Variants in SMOC2 observed in about 807,000 individuals in gnomAD.
The protein encoded by SMOC2 is SPARC-related modular calcium-binding protein 2.
Under a neutral mutation model 61.4 loss-of-function variants are expected in SMOC2, and 39 were observed. The ratio of observed to expected loss-of-function variants is 0.64; its 90% CI spans 0.49 to 0.83. SMOC2 has a LOEUF of 0.83. Among genes scored for constraint, SMOC2 ranks in the 40% least tolerant of loss-of-function variants. SMOC2 has a pLI of 0.00. For missense variants in SMOC2, 556 were observed against 592.9 expected, an observed-to-expected ratio of 0.94 and a Z score of 0.65; for synonymous variants, 247 against 239.9, an observed-to-expected ratio of 1.03 and a Z score of -0.27.
chr6:168,543,010 A>T (rs1783906842), intron 4 of SMOC2, among the ~76,000 whole-genome samples: 1 of 152,188 alleles, frequency 6.6e-6, no homozygotes, highest in African/African-American at 2.4e-5. Context: ...TTATTTCTCG[A>T]GTTGGTATTC....
chr6:168,545,822 C>T (rs1315564678), intron 5 of SMOC2, among the ~76,000 whole-genome samples: 1 of 152,202 alleles, frequency 6.6e-6, no homozygotes, highest in East Asian at 1.9e-4. Context: ...ATTTGATTGT[C>T]CTCATTCCAA....
chr6:168,481,174 T>C (rs1430287562), intron 1 of SMOC2, among the ~76,000 whole-genome samples: 1 of 152,158 alleles, frequency 6.6e-6, no homozygotes, highest in Non-Finnish European at 1.5e-5. Context: ...TAAATACTTG[T>C]CAGTTATATA....
At chr6:168,614,387 C>T (rs865882126) in intron 9 of SMOC2, among the ~76,000 whole-genome samples, 4 of 87,610 alleles carry the variant, frequency 4.6e-5, no homozygotes, top group East Asian at 3.9e-4. Flanking sequence ...CTCTTCATAC[C>T]TACAGCCAGC....
At chr6:168,659,410 G>T (rs1275986560) in intron 11 of SMOC2, among the ~76,000 whole-genome samples, 7 of 137,958 alleles carry the variant, frequency 5.1e-5, no homozygotes, top group African/African-American at 1.9e-4. Flanking sequence ...TATAAATGAG[G>T]TGGCCAGGTT....
intron 2 of SMOC2, among the ~76,000 whole-genome samples, chr6:168,513,940 T>G (rs1783069573): frequency 6.6e-6 from 1 of 152,188 alleles, no homozygotes; most frequent in Admixed American, 6.5e-5. Context: ...CGGCCTGTCT[T>G]CAGACTCTCC....
rs57660582 is a variant in SMOC2, at chr6:168,447,919, G to A, written c.84+6465G>A. On this transcript the variant is annotated intron_variant, in intron 1 of 12. Coordinates refer to ENST00000356284, the MANE Select transcript of SMOC2 (RefSeq NM_001166412.2). ...TATCTCTTACTCTGTTCAGTGATCA[G>A]TGAAGGCGCTAGAATCAAATAAATC... Among the ~76,000 whole-genome samples, 684 of 152,054 alleles carry A rather than the reference G, an allele frequency of 4.5e-3. 7 individuals carry two copies. Among genetic ancestry groups the A allele is most frequent in the African/African-American group, 0.014 (599 of 41,454 alleles).
At chr6:168,518,075 G>A (rs534471449) in intron 2 of SMOC2, among the ~76,000 whole-genome samples, 8 of 152,318 alleles carry the variant, frequency 5.3e-5, no homozygotes, top group Non-Finnish European at 1.0e-4. Flanking sequence ...CTAGAAACAG[G>A]CCAGAGAGCT....
At chr6:168,563,281 A>G (rs960745381) in intron 7 of SMOC2, among the ~76,000 whole-genome samples, 4 of 116,762 alleles carry the variant, frequency 3.4e-5, no homozygotes, top group African/African-American at 1.4e-4. Flanking sequence ...TATGTATGTA[A>G]GTTTTATGTG....
intron 1 of SMOC2, among the ~76,000 whole-genome samples, 193 bp from the exon 2 acceptor site, chr6:168,509,722 G>A (rs1290247297): frequency 6.6e-6 from 1 of 152,182 alleles, no homozygotes; most frequent in South Asian, 2.1e-4. Flanking sequence ...AAATTATCTA[G>A]GCTTTTGAAA....
At chr6:168,506,400 T>C (rs913513686) in intron 1 of SMOC2, among the ~76,000 whole-genome samples, 5 of 152,234 alleles carry the variant, frequency 3.3e-5, no homozygotes, top group Admixed American at 3.3e-4. Flanking sequence ...TGTCTTCTTA[T>C]GTCACGTTAT....
intron 8 of SMOC2, among the ~76,000 whole-genome samples, chr6:168,605,771 G>A (rs1295237352): frequency 2.0e-5 from 3 of 152,046 alleles, no homozygotes; most frequent in Admixed American, 6.5e-5. Flanking sequence ...GGCTTCAGGG[G>A]CACAACAGAG....
At chr6:168,511,548 G>A (rs1022886727) in intron 2 of SMOC2, among the ~76,000 whole-genome samples, 1 of 152,116 alleles carries the variant, frequency 6.6e-6, no homozygotes, top group Admixed American at 6.5e-5. Context: ...GATTTGGGTG[G>A]GGACACAGCC....
In SMOC2 at chr6:168,499,501, T is replaced by C. The variant is rs571017185; in HGVS notation, c.85-10414T>C. Among the ~76,000 whole-genome samples the C allele has an allele frequency of 2.0e-4, 30 of 152,330 alleles. No individual in the cohort carries two copies. In the South Asian group the frequency reaches 5.6e-3, roughly 28 times the overall value. ...AGACCGATGAGCTATACATGAGCTA[T>C]GAAGTGTGCGGCAGATGGGGCAGTG... On this transcript the variant is annotated intron_variant, in intron 1 of 12. Coordinates refer to ENST00000356284, the MANE Select transcript of SMOC2 (RefSeq NM_001166412.2).
chr6:168,484,307 TACACA>T (rs1197471363), intron 1 of SMOC2, among the ~76,000 whole-genome samples: 2 of 152,066 alleles, frequency 1.3e-5, no homozygotes, highest in African/African-American at 4.8e-5. Flanking sequence ...AAAAAAAAGA[TACACA>T]AATAGCCACT....
chr6:168,457,904 T>A (rs557524730), intron 1 of SMOC2, among the ~76,000 whole-genome samples: 12 of 152,092 alleles, frequency 7.9e-5, no homozygotes, highest in Admixed American at 3.9e-4. Flanking sequence ...TGGGGGGCCC[T>A]TGCAGCCTGT....
intron 2 of SMOC2, among the ~76,000 whole-genome samples, chr6:168,517,289 C>T (rs541400957): frequency 1.3e-5 from 2 of 152,312 alleles, no homozygotes; most frequent in East Asian, 1.9e-4. Flanking sequence ...CTGTGGCCAG[C>T]GGCGCCGTGG....
In SMOC2 at chr6:168,542,419, T is replaced by C. The variant is rs116028066; in HGVS notation, c.464-1206T>C. ...AGATGAACCAGGAGAATTGTGTTCC[T>C]TTTTATCCCCTGGGGACACTAAATT... On this transcript the variant is annotated intron_variant, in intron 4 of 12. Coordinates refer to ENST00000356284, the MANE Select transcript of SMOC2 (RefSeq NM_001166412.2). Among the ~76,000 whole-genome samples, 755 of 152,326 alleles carry C rather than the reference T, an allele frequency of 5.0e-3. 9 individuals are homozygous for C. The highest frequency in any genetic ancestry group is 0.017 in the African/African-American group (707 of 41,564).
At chr6:168,449,166 T>C (rs1781403663) in intron 1 of SMOC2, among the ~76,000 whole-genome samples, 1 of 152,326 alleles carries the variant, frequency 6.6e-6, no homozygotes, top group South Asian at 2.1e-4. Flanking sequence ...TCTGTGCAGA[T>C]TGATCCGTCT....
At chr6:168,449,171 C>A (rs1041222713) in intron 1 of SMOC2, among the ~76,000 whole-genome samples, 1 of 152,150 alleles carries the variant, frequency 6.6e-6, no homozygotes, top group East Asian at 1.9e-4. Flanking sequence ...GCAGATTGAT[C>A]CGTCTTCACA....
Sources: gnomAD v4.1 joint callset for allele counts (sites outside exome capture counted in the v4.1 genomes callset) on GRCh38, gnomAD v4.1.1 for gene constraint, MANE v1.5 for transcripts, NCBI Gene and HGNC (gene_info 2026-07-23, HGNC 2026-07-21) for gene names.